FBXO36: variants seen among roughly 807,000 people sequenced by gnomAD.
FBXO36 encodes F-box only protein 36.
FBXO36 carries 18 observed loss-of-function variants against 17.0 expected under a neutral mutation model. That is an observed-to-expected ratio of 1.06 (90% CI 0.73 to 1.57). The LOEUF (loss-of-function observed/expected upper bound fraction) is 1.57, where lower values mean the gene tolerates loss of function less well. Ranked by LOEUF, FBXO36 falls within the 40% of genes most tolerant of loss-of-function variation. The probability of loss-of-function intolerance (pLI) is 0.00; values close to 1 mark genes in which losing one functional copy is unlikely to be tolerated. For missense variants in FBXO36, 229 were observed against 221.9 expected (o/e 1.03, Z -0.20); for synonymous variants, 83 against 85.3 (o/e 0.97, Z 0.15).
At chr2:229,995,677 C>T (rs1457853515) in intron 2 of FBXO36, among the ~76,000 whole-genome samples, 1 of 146,902 alleles carries the variant, frequency 6.8e-6, no homozygotes, top group Non-Finnish European at 1.5e-5. Flanking sequence ...ACCGCAACCT[C>T]CGCCTCCCGG....
At chr2:229,957,718 G>C (rs2077096284) in intron 1 of FBXO36, among the ~76,000 whole-genome samples, 1 of 152,158 alleles carries the variant, frequency 6.6e-6, no homozygotes, top group Non-Finnish European at 1.5e-5. Flanking sequence ...AGGGACGAGA[G>C]AGAGAAAAAT....
At position 229,935,913 on chromosome 2, in the gene FBXO36, T is replaced by G. The variant is rs2076961314; in HGVS notation, c.96+13304T>G. 1.3e-5 allele frequency among the ~76,000 whole-genome samples: 2 copies of G among 152,144 alleles called. 1 individual carries two copies. The highest frequency in any genetic ancestry group is 2.9e-5 in the Non-Finnish European group (2 of 68,022). On this transcript the variant is annotated intron_variant, in intron 1 of 3. Transcript: ENST00000283946. ...TAGAGATACTGATCAGAAGGCCAGG[T>G]GCGGTGGCTCACCCCTGTAATCCCA... is the stretch of plus-strand genomic sequence containing the variant.
rs34047951 is a variant in FBXO36 at position 229,959,027 on chromosome 2, C to T, written c.97-17214C>T. Among the ~76,000 whole-genome samples the T allele has an allele frequency of 1.9e-3, 290 of 152,292 alleles. 1 individual carries two copies. The highest frequency in any genetic ancestry group is 3.9e-3 in the Admixed American group (59 of 15,288). ...CTAAGTCCAAAACTGCTTGGATGCT[C>T]TCAAAGTCTCCTTTGTTCCTTCACA... On this transcript the variant is annotated intron_variant, in intron 1 of 3. Transcript: ENST00000283946.
At chr2:229,954,234 A>AT (rs60093081) in intron 1 of FBXO36, among the ~76,000 whole-genome samples, 2,598 of 71,104 alleles carry the variant, frequency 0.037, 593 homozygotes, top group African/African-American at 0.12. Flanking sequence ...AACCCTTTGG[A>AT]TTTTTTTTTT....
chr2:229,949,412 C>T (rs1179846280), intron 1 of FBXO36, among the ~76,000 whole-genome samples: 2 of 152,134 alleles, frequency 1.3e-5, no homozygotes, highest in African/African-American at 2.4e-5. Context: ...AAAAGGAACA[C>T]TGTGAAGCCA....
intron 1 of FBXO36, among the ~76,000 whole-genome samples, chr2:229,948,828 T>C (rs2077040464): frequency 6.6e-6 from 1 of 152,080 alleles, no homozygotes; most frequent in African/African-American, 2.4e-5. Context: ...CTTTATTTTA[T>C]TTTATTTTAT....
chr2:229,990,401 G>A (rs2077292556), intron 2 of FBXO36, among the ~76,000 whole-genome samples: 1 of 151,690 alleles, frequency 6.6e-6, no homozygotes, highest in Non-Finnish European at 1.5e-5. Flanking sequence ...AGGTTATCAG[G>A]TTAAGGATGT....
chr2:229,972,125 C>T (rs1577348562), intron 1 of FBXO36, among the ~76,000 whole-genome samples: 1 of 151,380 alleles, frequency 6.6e-6, no homozygotes, highest in East Asian at 1.9e-4. Flanking sequence ...TCCCAAGTAG[C>T]TGGGATTACA....
At chr2:230,007,153 C>G (rs2077391266) in intron 3 of FBXO36, among the ~76,000 whole-genome samples, 1 of 152,250 alleles carries the variant, frequency 6.6e-6, no homozygotes, top group African/African-American at 2.4e-5. Flanking sequence ...GCCTGGGGTG[C>G]CTAGTGGCTT....
chr2:229,933,346 T>A (rs2076948774), intron 1 of FBXO36, among the ~76,000 whole-genome samples: 1 of 151,990 alleles, frequency 6.6e-6, no homozygotes, highest in Non-Finnish European at 1.5e-5. Context: ...TGAGCTGACA[T>A]CATACCACTT....
At chr2:229,925,164 G>C (rs1054522263) in intron 1 of FBXO36, among the ~76,000 whole-genome samples, 2 of 149,392 alleles carry the variant, frequency 1.3e-5, no homozygotes, top group East Asian at 3.9e-4. Flanking sequence ...TTTATCTCAG[G>C]TTCTGTCAGT....
chr2:229,945,969 C>T (rs1039811266), intron 1 of FBXO36, among the ~76,000 whole-genome samples: 1 of 151,246 alleles, frequency 6.6e-6, no homozygotes, highest in Non-Finnish European at 1.5e-5. Flanking sequence ...TTGCAATGAG[C>T]TGAGATTACG....
In FBXO36 at chr2:230,011,056, C is replaced by A; in HGVS notation, c.*172C>A. 1.7e-5 allele frequency: 12 copies of A among 689,494 alleles called. No individual in the cohort carries two copies. In the South Asian group the frequency reaches 2.3e-4, roughly 13 times the overall value. The allele number at this position is 689,494 out of a possible 1,614,324, so 42.7% of individuals were successfully genotyped here. ...TGCAGCAGAGTCTGGCTCCCCAGTGCCTTGCTAGAGTCACCGTCATTCTGA... is the reference window on the plus strand; with the variant it reads ...TGCAGCAGAGTCTGGCTCCCCAGTGACTTGCTAGAGTCACCGTCATTCTGA... On this transcript the variant is annotated 3_prime_UTR_variant, in exon 4 of 4. Transcript: ENST00000283946.
intron 1 of FBXO36, among the ~76,000 whole-genome samples, chr2:229,930,488 C>T (rs1368816085): frequency 2.6e-5 from 4 of 152,248 alleles, no homozygotes; most frequent in South Asian, 2.1e-4. Flanking sequence ...CGGTGACTCA[C>T]GCCTGTAATC....
At chr2:229,961,074 C>T (rs1399486234) in intron 1 of FBXO36, among the ~76,000 whole-genome samples, 1 of 151,904 alleles carries the variant, frequency 6.6e-6, no homozygotes. Context: ...CCGCCATTGC[C>T]CTCCAGCCTG....
At position 229,996,796 on chromosome 2, in the gene FBXO36, T is replaced by A; in HGVS notation, c.251T>A (p.Ile84Asn). The A allele has an allele frequency of 1.2e-6, 2 of 1,613,484 alleles. No homozygotes were observed. The highest frequency in any genetic ancestry group is 1.1e-5 in the South Asian group (1 of 90,942). Residue 84 changes from isoleucine to asparagine, a missense_variant, in exon 3 of 4, where the codon ATC becomes AAC. Coordinates refer to ENST00000283946, the MANE Select transcript of FBXO36 (RefSeq NM_174899.5). ...GGTGCAAGAATATTAGACTATGTCA[T>A]CAATTTGTGCAAAGGTAAATTTGAC... The part of the protein sequence containing the change: ...IFGARILDYV[I>N]NLCKGKFDFL...
intron 1 of FBXO36, among the ~76,000 whole-genome samples, chr2:229,971,182 C>T (rs558768911): frequency 1.3e-5 from 2 of 152,016 alleles, no homozygotes; most frequent in East Asian, 3.9e-4. Context: ...GGTAAAACCC[C>T]GTCTCTACTA....
At chr2:229,971,782 G>A (rs2077181564) in intron 1 of FBXO36, among the ~76,000 whole-genome samples, 1 of 151,580 alleles carries the variant, frequency 6.6e-6, no homozygotes, top group Non-Finnish European at 1.5e-5. Context: ...TCAACCTCCT[G>A]GGCTCAAGTG....
chr2:229,993,137 C>T lies in FBXO36; in HGVS notation c.206-3614C>T, dbSNP rs967223944. On this transcript the variant is annotated intron_variant, in intron 2 of 3. Transcript: ENST00000283946. ...CAAAGAAGAAAATCAACATATTTTA[C>T]CCCAAAACATGTTGATTTGCCATAT... Among the ~76,000 whole-genome samples the T allele has an allele frequency of 6.7e-4, 102 of 152,136 alleles. 1 individual carries two copies. Among genetic ancestry groups the T allele is most frequent in the African/African-American group, 2.4e-3 (100 of 41,438 alleles).
Sources: gnomAD v4.1 joint callset for allele counts (sites outside exome capture counted in the v4.1 genomes callset) on GRCh38, gnomAD v4.1.1 for gene constraint, MANE v1.5 for transcripts, NCBI Gene and HGNC (gene_info 2026-07-23, HGNC 2026-07-21) for gene names.